Variants in CCR3 observed in about 807,000 individuals in gnomAD.
CCR3 encodes C-C chemokine receptor type 3.
For missense variants in CCR3, 419 were observed against 437.5 expected (o/e 0.96, Z 0.38); for synonymous variants, 203 against 179.2 (o/e 1.13, Z -1.06).
chr3:46,248,056 C>T (rs1294588723), intron 1 of CCR3, among the ~76,000 whole-genome samples: 3 of 151,844 alleles, frequency 2.0e-5, no homozygotes, highest in African/African-American at 7.3e-5. Flanking sequence ...GAACTGCCAT[C>T]AATAAATCAA....
At chr3:46,215,795 G>A (rs1339153177) in intron 2 of CCR3, among the ~76,000 whole-genome samples, 1 of 152,230 alleles carries the variant, frequency 6.6e-6, no homozygotes, top group Non-Finnish European at 1.5e-5. Context: ...GTGCCACAGA[G>A]CAACCCAGCA....
chr3:46,230,164 A>T (rs184853828), intron 2 of CCR3, among the ~76,000 whole-genome samples: 1 of 152,214 alleles, frequency 6.6e-6, no homozygotes, highest in Non-Finnish European at 1.5e-5. Flanking sequence ...GAAGGACTCC[A>T]CAGGGTCCAG....
intron 2 of CCR3, among the ~76,000 whole-genome samples, chr3:46,226,778 T>C (rs1441700435): frequency 6.6e-6 from 1 of 152,104 alleles, no homozygotes; most frequent in Admixed American, 6.6e-5. Flanking sequence ...TTCTCTAGAC[T>C]CTTTGTAAAT....
chr3:46,236,563 G>C (rs979127718), intron 2 of CCR3, among the ~76,000 whole-genome samples: 4 of 152,248 alleles, frequency 2.6e-5, no homozygotes, highest in African/African-American at 9.6e-5. Flanking sequence ...AACAACTAGA[G>C]GACTTCTTAT....
intron 1 of CCR3, among the ~76,000 whole-genome samples, chr3:46,247,894 G>A (rs1700228363): frequency 6.6e-6 from 1 of 152,130 alleles, no homozygotes; most frequent in African/African-American, 2.4e-5. Context: ...TAGTAGAATA[G>A]CACATAGAAT....
upstream of CCR3, among the ~76,000 whole-genome samples, chr3:46,238,839 A>G (rs569148552): frequency 5.3e-4 from 80 of 152,348 alleles, no homozygotes; most frequent in Admixed American, 1.9e-3. Context: ...AGCTAGACAC[A>G]GGAGTAGATA....
At chr3:46,219,660 G>C (rs1287411388) in intron 2 of CCR3, among the ~76,000 whole-genome samples, 1 of 152,140 alleles carries the variant, frequency 6.6e-6, no homozygotes, top group African/African-American at 2.4e-5. Context: ...CAATGGAACA[G>C]AATAGAGAAC....
intron 2 of CCR3, among the ~76,000 whole-genome samples, chr3:46,231,259 C>G (rs1371504620): frequency 6.6e-6 from 1 of 152,206 alleles, no homozygotes; most frequent in African/African-American, 2.4e-5. Flanking sequence ...CCAGATTAAT[C>G]TTGTGGATGA....
chr3:46,240,679 A>G (rs1488540496), upstream of CCR3, among the ~76,000 whole-genome samples: 2 of 152,148 alleles, frequency 1.3e-5, no homozygotes, highest in Non-Finnish European at 2.9e-5. Flanking sequence ...GACAACTATG[A>G]TAAGTATTTT....
chr3:46,255,740 G>A (rs1427209916), intron 1 of CCR3, among the ~76,000 whole-genome samples: 1 of 152,112 alleles, frequency 6.6e-6, no homozygotes, highest in African/African-American at 2.4e-5. Context: ...TCTCTATTCT[G>A]TTCCATTGGT....
rs527904222 is a variant in CCR3 at position 46,246,800 on chromosome 3, A to G, written c.-12+4262A>G. Among the ~76,000 whole-genome samples, 39 of 151,966 alleles carry G rather than the reference A, an allele frequency of 2.6e-4. No individual in the cohort carries two copies. In the Middle Eastern group the frequency reaches 0.01, roughly 40 times the overall value. ...GTGTTGGGGTGGCGAAAATTTTTGG[A>G]GGGTGGTATGGAGAGAGAATGGGCG... On this transcript the variant is annotated intron_variant, in intron 1 of 1. Coordinates refer to ENST00000395940, the MANE Select transcript of CCR3 (RefSeq NM_178329.3).
chr3:46,243,033 A>ACATATATATATAT (rs1700124239), intron 1 of CCR3, among the ~76,000 whole-genome samples: 1 of 148,992 alleles, frequency 6.7e-6, no homozygotes, highest in Non-Finnish European at 1.5e-5. Flanking sequence ...TTATATATAC[A>ACATATATATATAT]AAGTCCTCCC....
chr3:46,235,464 T>C (rs955403571), intron 2 of CCR3, among the ~76,000 whole-genome samples: 6 of 152,224 alleles, frequency 3.9e-5, no homozygotes, highest in Admixed American at 6.5e-5. Context: ...GCAGGTACTA[T>C]AATGATCTTC....
chr3:46,213,659 A>G (rs1699741728), intron 2 of CCR3, among the ~76,000 whole-genome samples: 1 of 152,162 alleles, frequency 6.6e-6, no homozygotes, highest in Non-Finnish European at 1.5e-5. Flanking sequence ...ACATATGCCC[A>G]TGATCATAGC....
At chr3:46,240,508 A>T (rs1034717873), upstream of CCR3, among the ~76,000 whole-genome samples, 2 of 151,966 alleles carry the variant, frequency 1.3e-5, no homozygotes, top group Non-Finnish European at 2.9e-5. Context: ...TTTCTCTTCC[A>T]TGAAGCCGTT....
intron 1 of CCR3, among the ~76,000 whole-genome samples, chr3:46,249,862 G>A (rs28882411): frequency 0.64 from 91,153 of 142,542 alleles, 27,919 homozygotes; most frequent in East Asian, 0.91. Flanking sequence ...AGTGGAGGCA[G>A]GGAATTGCAA....
chr3:46,251,392 T>C (rs1233728943), intron 1 of CCR3, among the ~76,000 whole-genome samples: 1 of 151,618 alleles, frequency 6.6e-6, no homozygotes, highest in Non-Finnish European at 1.5e-5. Flanking sequence ...GGCGCCAAGA[T>C]TGAAAGGAGA....
chr3:46,222,772 GTAATATTTC>G (rs1282582454), intron 2 of CCR3, among the ~76,000 whole-genome samples: 1 of 152,162 alleles, frequency 6.6e-6, no homozygotes, highest in East Asian at 1.9e-4. Context: ...AATAGTGAGA[GTAATATTTC>G]TTTCTCAGGA....
At chr3:46,223,509 A>C (rs935198796) in intron 2 of CCR3, among the ~76,000 whole-genome samples, 3 of 152,214 alleles carry the variant, frequency 2.0e-5, no homozygotes, top group African/African-American at 7.2e-5. Context: ...TGTTTTCCAC[A>C]GTACCCAGCA....
Sources: gnomAD v4.1 joint callset for allele counts (sites outside exome capture counted in the v4.1 genomes callset) on GRCh38, gnomAD v4.1.1 for gene constraint, MANE v1.5 for transcripts, NCBI Gene and HGNC (gene_info 2026-07-23, HGNC 2026-07-21) for gene names.